Variants in ATP8A2 observed in about 807,000 individuals in gnomAD.
ATP8A2 encodes the protein ATPase phospholipid transporting 8A2, also known as phospholipid-transporting ATPase IB.
A neutral mutation model predicts 165.6 loss-of-function variants in ATP8A2; 100 were observed. That is an observed-to-expected ratio of 0.60 (90% confidence interval 0.51 to 0.71). ATP8A2 has a LOEUF of 0.71. ATP8A2 is among the 30% of genes least tolerant of loss of function. The pLI is 0.00. For missense variants in ATP8A2, 1,227 were observed against 1,479.5 expected (o/e 0.83, Z 2.80); for synonymous variants, 543 against 548.8 (o/e 0.99, Z 0.15).
At chr13:25,382,725 T>G (rs1332333560) in intron 1 of ATP8A2, among the ~76,000 whole-genome samples, 1 of 152,176 alleles carries the variant, frequency 6.6e-6, no homozygotes, top group Non-Finnish European at 1.5e-5. Flanking sequence ...TCTGTATATC[T>G]TCTTTGGTGA....
chr13:25,577,012 T>C, intron 19 of ATP8A2, 57 bp from the exon 20 acceptor site: 1 of 1,390,642 alleles, frequency 7.2e-7, no homozygotes. Context: ...TGTTCAGCTG[T>C]GGGATATGCA....
In ATP8A2 at chr13:26,021,835, T is replaced by C. The variant is rs1957086587; in HGVS notation, c.*1850T>C. On this transcript the variant is annotated 3_prime_UTR_variant, in exon 37 of 37. Transcript: ENST00000381655. ...GATGAGTCAACCCTGTAGGAATGATTGTGCTAAATTAGGAAATAACACTTT... is the reference window on the plus strand; with the variant it reads ...GATGAGTCAACCCTGTAGGAATGATCGTGCTAAATTAGGAAATAACACTTT... 6.6e-6 allele frequency: 1 copy of C among 152,234 alleles called. No homozygotes were observed. The highest frequency in any genetic ancestry group is 1.5e-5 in the Non-Finnish European group (1 of 68,046). 9.4% of individuals were successfully genotyped at this position (152,234 alleles called of 1,614,324 possible).
intron 27 of ATP8A2, among the ~76,000 whole-genome samples, chr13:25,780,071 G>C (rs550534168): frequency 1.3e-5 from 2 of 152,090 alleles, no homozygotes; most frequent in Non-Finnish European, 2.9e-5. Context: ...TCTGGGAAAA[G>C]GTTATTTGGA....
Position 25,609,564 on chromosome 13 carries a change from T to TCCAAA in ATP8A2, c.2211+19865_2211+19866insCCAAA, listed in dbSNP as rs1565976968. ...TCAAATATATATATATATATTTGGA[T>TCCAAA]TCAAATATATATATATATTTGGGTT... On this transcript the variant is annotated intron_variant, in intron 24 of 36. Coordinates refer to ENST00000381655, the MANE Select transcript of ATP8A2 (RefSeq NM_016529.6). Among the ~76,000 whole-genome samples, 68 of 147,220 alleles carry TCCAAA rather than the reference T, an allele frequency of 4.6e-4. 4 individuals carry two copies. Among genetic ancestry groups the TCCAAA allele is most frequent in the East Asian group, 1.4e-3 (7 of 5,096 alleles).
At chr13:25,379,849 G>C (rs1481526828) in intron 1 of ATP8A2, among the ~76,000 whole-genome samples, 1 of 152,110 alleles carries the variant, frequency 6.6e-6, no homozygotes, top group African/African-American at 2.4e-5. Context: ...CAGTCTTTCT[G>C]GGTCCACTCT....
At chr13:25,545,769 G>A (rs1446197544) in intron 10 of ATP8A2, among the ~76,000 whole-genome samples, 1 of 152,044 alleles carries the variant, frequency 6.6e-6, no homozygotes, top group Non-Finnish European at 1.5e-5. Context: ...TGAGTAGCTG[G>A]GACTGTAGGC....
intron 24 of ATP8A2, among the ~76,000 whole-genome samples, chr13:25,628,920 C>G (rs374224184): frequency 3.9e-5 from 6 of 152,138 alleles, no homozygotes; most frequent in Non-Finnish European, 7.4e-5. Context: ...TAACATTGCC[C>G]CTTCTTTCCT....
intron 10 of ATP8A2, among the ~76,000 whole-genome samples, chr13:25,544,612 G>T (rs1395144554): frequency 6.6e-6 from 1 of 152,154 alleles, no homozygotes; most frequent in East Asian, 1.9e-4. Context: ...TTGTATTTCT[G>T]GGGTAGAGAG....
intron 2 of ATP8A2, among the ~76,000 whole-genome samples, chr13:25,513,771 A>G (rs1173149774): frequency 1.3e-5 from 2 of 152,216 alleles, no homozygotes; most frequent in African/African-American, 2.4e-5. Flanking sequence ...CCCGGGCAAC[A>G]CAGCGAAACC....
At chr13:25,923,929 A>G (rs1954528874) in intron 33 of ATP8A2, among the ~76,000 whole-genome samples, 1 of 152,184 alleles carries the variant, frequency 6.6e-6, no homozygotes, top group Admixed American at 6.5e-5. Flanking sequence ...GGAAAATGAT[A>G]GTATAGTTAC....
chr13:25,732,393 G>A (rs1460017653), intron 25 of ATP8A2, among the ~76,000 whole-genome samples: 1 of 152,164 alleles, frequency 6.6e-6, no homozygotes, highest in Non-Finnish European at 1.5e-5. Flanking sequence ...TTTCCTGCTG[G>A]TGATATTCGA....
chr13:25,473,617 T>A (rs1566161845), intron 2 of ATP8A2, among the ~76,000 whole-genome samples: 1 of 152,184 alleles, frequency 6.6e-6, no homozygotes, highest in Non-Finnish European at 1.5e-5. Context: ...CACAGTCAAT[T>A]TTGGAACATT....
intron 24 of ATP8A2, chr13:25,591,473 C>T (rs978009077): frequency 5.4e-5 from 22 of 404,012 alleles, no homozygotes; most frequent in African/African-American, 3.9e-4. Context: ...CATATCGGAC[C>T]ATGTGTCAGA....
chr13:25,893,379 C>T (rs1052609603), intron 33 of ATP8A2, among the ~76,000 whole-genome samples: 3 of 151,824 alleles, frequency 2.0e-5, no homozygotes, highest in East Asian at 3.9e-4. Flanking sequence ...AGGACATGAA[C>T]TCATCATTTT....
chr13:25,651,828 T>C (rs2041819782), intron 24 of ATP8A2, among the ~76,000 whole-genome samples: 1 of 152,180 alleles, frequency 6.6e-6, no homozygotes, highest in South Asian at 2.1e-4. Flanking sequence ...TTAACTGATA[T>C]CTTGGTTATA....
chr13:25,809,074 A>C (rs541480787), intron 27 of ATP8A2, among the ~76,000 whole-genome samples: 20 of 152,322 alleles, frequency 1.3e-4, no homozygotes, highest in African/African-American at 4.6e-4. Flanking sequence ...GGACAATGAC[A>C]CTGCTTGTAT....
chr13:25,861,135 C>T (rs886578962), intron 32 of ATP8A2, among the ~76,000 whole-genome samples: 1 of 152,086 alleles, frequency 6.6e-6, no homozygotes, highest in Non-Finnish European at 1.5e-5. Flanking sequence ...ATATTATACA[C>T]ACACATATAT....
intron 15 of ATP8A2, among the ~76,000 whole-genome samples, chr13:25,562,850 T>G (rs1164605719): frequency 3.9e-5 from 6 of 152,208 alleles, no homozygotes; most frequent in Non-Finnish European, 7.3e-5. Flanking sequence ...CCGCATGGGA[T>G]GTGAGGATTC....
intron 35 of ATP8A2, among the ~76,000 whole-genome samples, chr13:25,989,476 T>G (rs531212616): frequency 3.8e-4 from 58 of 152,346 alleles, no homozygotes; most frequent in African/African-American, 1.4e-3. Context: ...TTAAAAAATA[T>G]TATTAGGTCT....
Sources: gnomAD v4.1 joint callset for allele counts (sites outside exome capture counted in the v4.1 genomes callset) on GRCh38, gnomAD v4.1.1 for gene constraint, MANE v1.5 for transcripts, NCBI Gene and HGNC (gene_info 2026-07-23, HGNC 2026-07-21) for gene names.